Variants in FARS2 observed in about 807,000 individuals in gnomAD.
FARS2 encodes the protein phenylalanyl-tRNA synthetase 2, mitochondrial, also known as phenylalanine--tRNA ligase, mitochondrial.
FARS2 carries 40 observed loss-of-function variants against 46.4 expected under a neutral mutation model. The observed-to-expected ratio is 0.86, with a 90% CI of 0.67 to 1.12. The LOEUF (loss-of-function observed/expected upper bound fraction) is 1.12, where lower values mean the gene tolerates loss of function less well. Among genes scored for constraint, FARS2 ranks in the 50% most tolerant of loss-of-function variants. The pLI is 0.00. For synonymous variants in FARS2, 234 were observed against 214.9 expected (o/e 1.09, Z -0.78); for missense variants, 513 against 567.9 (o/e 0.90, Z 0.98).
At chr6:5,448,169 T>C (rs1764284318) in intron 4 of FARS2, among the ~76,000 whole-genome samples, 1 of 152,178 alleles carries the variant, frequency 6.6e-6, no homozygotes, top group African/African-American at 2.4e-5. Context: ...ATGTGAGGCT[T>C]TATACACAAA....
chr6:5,253,169 T>C, the FARS2 span, among the ~76,000 whole-genome samples: 1 of 152,214 alleles, frequency 6.6e-6, no homozygotes, highest in Non-Finnish European at 1.5e-5. Flanking sequence ...GATGAAGAAT[T>C]AGGGAGTTCT....
intron 1 of FARS2, among the ~76,000 whole-genome samples, chr6:5,282,724 C>T (rs1766826609): frequency 2.0e-5 from 3 of 152,198 alleles, no homozygotes; most frequent in East Asian, 1.9e-4. Flanking sequence ...TGGTGCCTAG[C>T]GTCAATCAGA....
chr6:5,575,141 C>CTAAGGACACCA (rs1772885882), intron 5 of FARS2, among the ~76,000 whole-genome samples: 1 of 152,154 alleles, frequency 6.6e-6, no homozygotes, highest in African/African-American at 2.4e-5. Flanking sequence ...GAGAGTACTT[C>CTAAGGACACCA]AGCACTATGC....
At chr6:5,485,246 G>T (rs1432175685) in intron 4 of FARS2, among the ~76,000 whole-genome samples, 1 of 152,070 alleles carries the variant, frequency 6.6e-6, no homozygotes, top group Non-Finnish European at 1.5e-5. Context: ...TTTGTAAAAT[G>T]GGCATACTTT....
intron 5 of FARS2, among the ~76,000 whole-genome samples, chr6:5,607,983 ATTT>A (rs5873988): frequency 0.21 from 30,252 of 146,286 alleles, 3,172 homozygotes; most frequent in Non-Finnish European, 0.22. Context: ...TTGGGCATGT[ATTT>A]TTTTTTTTTT....
intron 6 of FARS2, among the ~76,000 whole-genome samples, chr6:5,700,435 C>G (rs553886793): frequency 5.4e-4 from 82 of 150,966 alleles, no homozygotes; most frequent in Admixed American, 1.8e-3. Flanking sequence ...GAGATGAAGT[C>G]TTGCGCTGTC....
rs141689728 is a variant in FARS2 at position 5,621,870 on chromosome 6, G to A, written c.1217+8550G>A. The stretch of plus-strand genomic sequence containing the variant: ...AGGGCCAGAGACCCTCAGCCTCTGG[G>A]TGCCTCTGGCTCTGTTTCTGTCCTT... On this transcript the variant is annotated intron_variant, in intron 6 of 6. Coordinates refer to ENST00000274680, the MANE Select transcript of FARS2 (RefSeq NM_006567.5). 3.1e-3 allele frequency among the ~76,000 whole-genome samples: 479 copies of A among 152,338 alleles called. 1 individual carries two copies. Among genetic ancestry groups the A allele is most frequent in the Non-Finnish European group, 5.2e-3 (355 of 68,028 alleles).
intron 1 of FARS2, among the ~76,000 whole-genome samples, chr6:5,359,490 T>A (rs1758168640): frequency 6.6e-6 from 1 of 152,252 alleles, no homozygotes; most frequent in African/African-American, 2.4e-5. Context: ...AAAAGAAGAC[T>A]GAAGTGTCAA....
At chr6:5,437,570 G>T (rs1295985287) in intron 4 of FARS2, among the ~76,000 whole-genome samples, 6 of 151,996 alleles carry the variant, frequency 3.9e-5, no homozygotes, top group Non-Finnish European at 1.5e-5. Context: ...TTTTCACGAG[G>T]AATTGTTCCT....
upstream of FARS2, among the ~76,000 whole-genome samples, chr6:5,257,055 C>T (rs926798330): frequency 1.3e-5 from 2 of 152,186 alleles, no homozygotes; most frequent in African/African-American, 4.8e-5. Context: ...CTGTTGTAAT[C>T]AACTCCCATT....
At chr6:5,338,015 A>C (rs1771281090) in intron 1 of FARS2, among the ~76,000 whole-genome samples, 4 of 152,178 alleles carry the variant, frequency 2.6e-5, no homozygotes, top group African/African-American at 9.7e-5. Flanking sequence ...TGAAAACTTA[A>C]AGCAGATTTT....
intron 5 of FARS2, among the ~76,000 whole-genome samples, chr6:5,598,855 T>C (rs1015302751): frequency 6.6e-6 from 1 of 152,306 alleles, no homozygotes; most frequent in South Asian, 2.1e-4. Context: ...GAGATTTGGA[T>C]GTTTGACATT....
At chr6:5,573,417 C>T (rs1215759921) in intron 5 of FARS2, among the ~76,000 whole-genome samples, 7 of 152,188 alleles carry the variant, frequency 4.6e-5, no homozygotes, top group South Asian at 2.1e-4. Context: ...CACACGCGTG[C>T]GTGCATATAG....
At chr6:5,761,454 A>AT (rs1762471716) in intron 6 of FARS2, among the ~76,000 whole-genome samples, 1 of 152,204 alleles carries the variant, frequency 6.6e-6, no homozygotes, top group Admixed American at 6.5e-5. Flanking sequence ...GAACAAATAA[A>AT]TGCTGATCAA....
At chr6:5,632,353 A>G (rs1776330085) in intron 6 of FARS2, among the ~76,000 whole-genome samples, 1 of 152,132 alleles carries the variant, frequency 6.6e-6, no homozygotes, top group Non-Finnish European at 1.5e-5. Context: ...GGGCCATTCC[A>G]AACTTTTTGT....
rs186855814 is a variant in FARS2, at chr6:5,491,237, G to A, written c.905-53943G>A. ...TATTTGTGTATCTTCTCTTGTGAAG[G>A]GTTTGTCCAAATCTTTTGCCCATTT... On this transcript the variant is annotated intron_variant, in intron 4 of 6. Coordinates refer to ENST00000274680, the MANE Select transcript of FARS2 (RefSeq NM_006567.5). 2.6e-5 allele frequency among the ~76,000 whole-genome samples: 4 copies of A among 152,072 alleles called. No individual in the cohort carries two copies. In the East Asian group the frequency reaches 5.8e-4, roughly 22 times the overall value.
intron 5 of FARS2, among the ~76,000 whole-genome samples, chr6:5,571,665 A>G (rs188987555): frequency 4.3e-4 from 65 of 152,294 alleles, no homozygotes; most frequent in African/African-American, 1.5e-3. Flanking sequence ...CAAGTGCCCC[A>G]GTAACTCAGT....
At chr6:5,701,233 C>T (rs1159545137) in intron 6 of FARS2, among the ~76,000 whole-genome samples, 3 of 152,204 alleles carry the variant, frequency 2.0e-5, no homozygotes, top group East Asian at 1.9e-4. Context: ...TAGCAGCCCC[C>T]GGAGAGTTAG....
chr6:5,405,234 C>T (rs946270814), intron 3 of FARS2, among the ~76,000 whole-genome samples: 1 of 152,012 alleles, frequency 6.6e-6, no homozygotes, highest in Non-Finnish European at 1.5e-5. Flanking sequence ...TAATTTCGTG[C>T]GTGAAACAAA....
Sources: gnomAD v4.1 joint callset for allele counts (sites outside exome capture counted in the v4.1 genomes callset) on GRCh38, gnomAD v4.1.1 for gene constraint, MANE v1.5 for transcripts, NCBI Gene and HGNC (gene_info 2026-07-23, HGNC 2026-07-21) for gene names.